Variants in NLRP4 observed in about 807,000 individuals in gnomAD.
NLRP4 encodes NACHT, LRR and PYD domains-containing protein 4.
In NLRP4, 44 loss-of-function variants were observed where a neutral mutation model predicts 84.7. The observed-to-expected ratio is 0.52, with a 90% CI of 0.41 to 0.67. NLRP4 has a LOEUF of 0.67. Among genes scored for constraint, NLRP4 ranks in the 30% least tolerant of loss-of-function variants. NLRP4 has a pLI of 0.00. For synonymous variants in NLRP4, 544 were observed against 476.4 expected (o/e 1.14, Z -1.85); for missense variants, 1,260 against 1,219.4 (o/e 1.03, Z -0.50).
chr19:55,856,750 A>T (rs1203923674), intron 2 of NLRP4, among the ~76,000 whole-genome samples: 2 of 151,912 alleles, frequency 1.3e-5, no homozygotes, highest in East Asian at 2.0e-4. Context: ...TCTTGACTTC[A>T]TGATCTGCCC....
intron 2 of NLRP4, among the ~76,000 whole-genome samples, chr19:55,853,714 T>C (rs1370862690): frequency 6.6e-6 from 1 of 151,832 alleles, no homozygotes; most frequent in Non-Finnish European, 1.5e-5. Flanking sequence ...TGGCCTAGAC[T>C]CACTCTTTCT....
Position 55,850,044 on chromosome 19 carries a change from GATTTCCGTAGCTGCGGTGGA to G in NLRP4, c.-65-1964_-65-1945del, listed in dbSNP as rs1253004463. Reference sequence around the variant, plus strand: ...GGTGTGATTTCCGAGACTGCGGTGTGATTTCCGTAGCTGCGGTGGAATTTCCGAGACTGCGGTGTAATTTC... The same window carrying G: ...GGTGTGATTTCCGAGACTGCGGTGTGATTTCCGAGACTGCGGTGTAATTTC... On this transcript the variant is annotated intron_variant, in intron 1 of 9. Transcript: ENST00000301295. Among the ~76,000 whole-genome samples, 157 of 51,242 alleles carry G rather than the reference GATTTCCGTAGCTGCGGTGGA, an allele frequency of 3.1e-3. 16 individuals carry two copies. The highest frequency in any genetic ancestry group is 0.03 in the South Asian group (42 of 1,416). 33.6% of individuals were successfully genotyped at this position (51,242 alleles called of 152,430 possible). A position where few individuals can be genotyped will look rare whatever the true frequency, so the allele number is the denominator to read the frequency against.
intron 1 of NLRP4, among the ~76,000 whole-genome samples, chr19:55,841,051 A>G (rs1049249664): frequency 1.1e-4 from 16 of 152,230 alleles, no homozygotes; most frequent in Non-Finnish European, 1.6e-4. Context: ...TATGGGATAC[A>G]GTGTGATGTT....
Position 55,881,517 on chromosome 19 carries a change from C to T in NLRP4, c.2915C>T (p.Ala972Val). The change falls in exon 10 of 10, where the codon GCT (alanine) becomes GTT (valine). Residue 972 changes from alanine to valine, a missense_variant. Transcript: ENST00000301295. ...FDEETQALLTAEEERNPNLTI... is the reference protein window; with the variant it reads ...FDEETQALLTVEEERNPNLTI... ...GAGGAAACCCAGGCACTTCTGACGG[C>T]TGAGGAAGAGAGAAATCCTAACCTG... is the stretch of plus-strand genomic sequence containing the variant. 6.2e-7 allele frequency: 1 copy of T among 1,610,626 alleles called. No individual in the cohort carries two copies. The highest frequency in any genetic ancestry group is 8.5e-7 in the Non-Finnish European group (1 of 1,176,872).
Position 55,878,931 on chromosome 19 carries a change from T to C in NLRP4, c.2834T>C (p.Leu945Pro). The change falls in exon 9 of 10, where the codon CTG becomes CCG. Residue 945 changes from leucine to proline, a missense_variant. Leu to Pro is a moderately conservative substitution (Grantham distance 98). Around this residue, in one of 3 missense-constraint regions of NLRP4, gnomAD observed 544 missense variants for 531.7 expected, o/e 1.02. Transcript: ENST00000301295. ...GGGGTGGTTGTACTCTGTGAGGCCC[T>C]GAGACACCCAGAGTGTGCCCTGCAG... is the stretch of plus-strand genomic sequence containing the variant. ...HTGVVVLCEALRHPECALQVL... is the reference protein window; with the variant it reads ...HTGVVVLCEAPRHPECALQVL... 6.2e-7 allele frequency: 1 copy of C among 1,613,638 alleles called. No individual in the cohort carries two copies. Among genetic ancestry groups the C allele is most frequent in the South Asian group, 1.1e-5 (1 of 91,022 alleles).
intron 3 of NLRP4, among the ~76,000 whole-genome samples, chr19:55,860,034 G>A (rs12985737): frequency 0.12 from 17,217 of 144,082 alleles, 1,219 homozygotes; most frequent in Middle Eastern, 0.16. Flanking sequence ...CACCCAGGCT[G>A]GAGTGCAGTG....
chr19:55,866,098 A>C (rs948798709), intron 5 of NLRP4, among the ~76,000 whole-genome samples: 1 of 152,076 alleles, frequency 6.6e-6, no homozygotes, highest in African/African-American at 2.4e-5. Flanking sequence ...CAGTGGTACA[A>C]TCTCAGTTCA....
intron 1 of NLRP4, among the ~76,000 whole-genome samples, chr19:55,840,236 C>G (rs1983553608): frequency 6.6e-6 from 1 of 151,800 alleles, no homozygotes; most frequent in Admixed American, 6.6e-5. Flanking sequence ...TGTTTAATTG[C>G]TGGAACAAAT....
intron 1 of NLRP4, among the ~76,000 whole-genome samples, chr19:55,840,541 G>A (rs1019172951): frequency 2.0e-5 from 3 of 152,118 alleles, no homozygotes; most frequent in Middle Eastern, 3.4e-3. Context: ...CTGCCACCAC[G>A]CCCAGCTAAT....
At chr19:55,838,908 TTTG>T (rs1258772364) in intron 1 of NLRP4, among the ~76,000 whole-genome samples, 5 of 152,174 alleles carry the variant, frequency 3.3e-5, no homozygotes, top group Non-Finnish European at 7.4e-5. Flanking sequence ...AATTTTTGCA[TTTG>T]TTTTCACAAG....
At chr19:55,855,600 T>C (rs1265429481) in intron 2 of NLRP4, among the ~76,000 whole-genome samples, 2 of 152,236 alleles carry the variant, frequency 1.3e-5, no homozygotes, top group African/African-American at 4.8e-5. Flanking sequence ...CAGCAGTCTG[T>C]GGGCACTGGA....
chr19:55,870,797 ACTCTCCTT>A (rs905601689), intron 6 of NLRP4, 22 bp from the exon 7 acceptor site: 55 of 1,577,706 alleles, frequency 3.5e-5, no homozygotes, highest in Non-Finnish European at 4.7e-5. Flanking sequence ...GTCCCTCTTC[ACTCTCCTT>A]CTCGTGTTTT....
At chr19:55,848,653 C>T (rs956753763) in intron 1 of NLRP4, among the ~76,000 whole-genome samples, 14 of 152,200 alleles carry the variant, frequency 9.2e-5, no homozygotes, top group African/African-American at 1.9e-4. Context: ...CCACCCACCT[C>T]GGCTTCCCAA....
At chr19:55,877,545 G>A (rs1313070742) in intron 8 of NLRP4, among the ~76,000 whole-genome samples, 1 of 152,164 alleles carries the variant, frequency 6.6e-6, no homozygotes, top group Non-Finnish European at 1.5e-5. Flanking sequence ...CATTGACATG[G>A]CATCTGTATC....
Position 55,858,204 on chromosome 19 carries a change from C to T in NLRP4, c.811C>T (p.Pro271Ser), listed in dbSNP as rs768393472. Residue 271 changes from proline (P) to serine (S), a missense_variant, in exon 3 of 10, where the codon CCG (proline) becomes TCG (serine). Coordinates refer to ENST00000301295, the MANE Select transcript of NLRP4 (RefSeq NM_134444.5). This position sits in a 1 kb window ranked among gnomAD's most constrained non-coding sequence, Gnocchi z 4.2. ...CAGTTTGCTGAGGAAGAAGATGCTC[C>T]CGGAGGCCTCCCTGCTCATCGCTAT... ...LSSLLRKKML[P>S]EASLLIAIKP... 17 of 1,613,954 alleles carry T rather than the reference C, an allele frequency of 1.1e-5. No homozygotes were observed. In the Admixed American group the frequency reaches 2.7e-4, roughly 25 times the overall value.
At chr19:55,864,804 T>C (rs1984891634) in intron 5 of NLRP4, among the ~76,000 whole-genome samples, 2 of 152,168 alleles carry the variant, frequency 1.3e-5, no homozygotes, top group African/African-American at 4.8e-5. Context: ...GAGCATCTCA[T>C]TGTGGTTTTG....
chr19:55,845,471 G>A (rs1362908279), intron 1 of NLRP4, among the ~76,000 whole-genome samples: 3 of 151,922 alleles, frequency 2.0e-5, no homozygotes, highest in African/African-American at 7.2e-5. Context: ...ATTGTGAATA[G>A]TGCTGCAATA....
At chr19:55,877,854 A>T (rs1001882209) in intron 8 of NLRP4, among the ~76,000 whole-genome samples, 1 of 152,308 alleles carries the variant, frequency 6.6e-6, no homozygotes, top group Admixed American at 6.5e-5. Context: ...AATTGCCTCT[A>T]TAAAGACCTT....
At chr19:55,880,258 G>C (rs1013207662) in intron 9 of NLRP4, among the ~76,000 whole-genome samples, 7 of 152,072 alleles carry the variant, frequency 4.6e-5, no homozygotes, top group Admixed American at 2.0e-4. Flanking sequence ...CTGAGTGCTT[G>C]GCATTGTTTC....
Sources: allele counts gnomAD v4.1 joint callset (sites outside exome capture counted in the v4.1 genomes callset), GRCh38; gene constraint gnomAD v4.1.1; regional missense constraint gnomAD v4.1.1; non-coding constraint Gnocchi (gnomAD v3.1); transcripts MANE v1.5; gene names NCBI Gene and HGNC (gene_info 2026-07-23, HGNC 2026-07-21).